The following TAX1BP1 variants were observed in gnomAD, a reference collection of about 807,000 sequenced individuals.
TAX1BP1 encodes the protein tax1-binding protein 1.
A neutral mutation model predicts 97.7 loss-of-function variants in TAX1BP1; 62 were observed. The ratio of observed to expected loss-of-function variants is 0.63; its 90% confidence interval spans 0.52 to 0.78. TAX1BP1 has a LOEUF of 0.78. Ranked by LOEUF, TAX1BP1 falls within the 30% of genes least tolerant of loss-of-function variation. The pLI is 0.00. For synonymous variants in TAX1BP1, 340 were observed against 304.2 expected (o/e 1.12, Z -1.23); for missense variants, 867 against 916.1 (o/e 0.95, Z 0.69).
intron 5 of TAX1BP1, among the ~76,000 whole-genome samples, chr7:27,774,805 G>A (rs992675784): frequency 6.6e-6 from 1 of 151,854 alleles, no homozygotes; most frequent in African/African-American, 2.4e-5. Context: ...TAAATATTGT[G>A]GGTATTCTGG....
chr7:27,802,391 T>C (rs886695353), intron 13 of TAX1BP1, among the ~76,000 whole-genome samples: 12 of 152,164 alleles, frequency 7.9e-5, no homozygotes, highest in African/African-American at 2.9e-4. Flanking sequence ...ATTGAATGGG[T>C]CATGTGTCTA....
intron 2 of TAX1BP1, among the ~76,000 whole-genome samples, chr7:27,753,206 A>T (rs536623775): frequency 6.6e-6 from 1 of 152,218 alleles, no homozygotes; most frequent in Admixed American, 6.5e-5. Context: ...AGGCTGAGAC[A>T]TGAGTATCGC....
chr7:27,791,893 G>GA (rs1256002087), intron 8 of TAX1BP1, 113 bp from the exon 9 acceptor site: 3 of 924,992 alleles, frequency 3.2e-6, no homozygotes, highest in Admixed American at 2.5e-5. Flanking sequence ...GTCATGAGTA[G>GA]AAAAACCAAT....
upstream of TAX1BP1, chr7:27,740,147 A>T (rs1583654692): frequency 1.3e-5 from 2 of 152,152 alleles, no homozygotes; most frequent in South Asian, 4.1e-4. Context: ...GTCGGCTGGG[A>T]GGGGAGGTGT....
intron 1 of TAX1BP1, among the ~76,000 whole-genome samples, chr7:27,746,684 G>A (rs906279985): frequency 6.6e-6 from 1 of 150,730 alleles, no homozygotes; most frequent in Non-Finnish European, 1.5e-5. Context: ...CCCTTTATTA[G>A]TGCAGAGGTA....
intron 2 of TAX1BP1, 131 bp downstream of exon 2, chr7:27,748,817 T>C: frequency 1.7e-6 from 1 of 595,110 alleles, no homozygotes; most frequent in Non-Finnish European, 2.5e-6. Flanking sequence ...CCATGAAATA[T>C]TTAACAGTGG....
chr7:27,770,409 A>G (rs1319956313), intron 5 of TAX1BP1, among the ~76,000 whole-genome samples: 1 of 152,108 alleles, frequency 6.6e-6, no homozygotes, highest in African/African-American at 2.4e-5. Flanking sequence ...AGCCAAAAAC[A>G]GTGAAAAAAC....
chr7:27,783,003 G>A (rs1789321236), intron 5 of TAX1BP1, among the ~76,000 whole-genome samples: 1 of 152,128 alleles, frequency 6.6e-6, no homozygotes, highest in Non-Finnish European at 1.5e-5. Context: ...ATAAGTGAGA[G>A]TTATGACTTG....
At chr7:27,795,805 C>T (rs771881635) in intron 11 of TAX1BP1, among the ~76,000 whole-genome samples, 1 of 152,184 alleles carries the variant, frequency 6.6e-6, no homozygotes, top group Non-Finnish European at 1.5e-5. Context: ...CCCGCCTTGG[C>T]CTCCCAAAGT....
chr7:27,792,352 T>C, intron 9 of TAX1BP1, 122 bp downstream of exon 9: 1 of 942,254 alleles, frequency 1.1e-6, no homozygotes, highest in Non-Finnish European at 1.6e-6. Context: ...TTTAAAATTT[T>C]CATTCCTTTT....
intron 15 of TAX1BP1, among the ~76,000 whole-genome samples, chr7:27,823,044 AAACT>A (rs1356882729): frequency 6.6e-6 from 1 of 152,200 alleles, no homozygotes; most frequent in Non-Finnish European, 1.5e-5. Flanking sequence ...AAACTTTTGA[AAACT>A]AATAGAGATT....
At chr7:27,798,241 C>T (rs1790007736) in intron 12 of TAX1BP1, among the ~76,000 whole-genome samples, 1 of 151,606 alleles carries the variant, frequency 6.6e-6, no homozygotes, top group South Asian at 2.1e-4. Context: ...TGTTTTTCGG[C>T]TGGTACAAAT....
At position 27,793,154 on chromosome 7, in the gene TAX1BP1, A is replaced by G; in HGVS notation, c.1352A>G (p.Glu451Gly). 1 of 1,596,738 alleles carries G rather than the reference A, an allele frequency of 6.3e-7. No individual in the cohort carries two copies. Among genetic ancestry groups the G allele is most frequent in the Non-Finnish European group, 8.5e-7 (1 of 1,176,284 alleles). Reference protein sequence around the residue: ...RLQMAADHYKEKFKECQRLQK... With the variant: ...RLQMAADHYKGKFKECQRLQK... Reference sequence around the variant, plus strand: ...CAGATGGCTGCAGACCATTATAAAGAAAAATTTAAGGAATGCCAAAGGCTC... The same window carrying G: ...CAGATGGCTGCAGACCATTATAAAGGAAAATTTAAGGAATGCCAAAGGCTC... The change falls in exon 10 of 17, where the codon GAA (glutamate) becomes GGA (glycine). Residue 451 changes from glutamate to glycine, a missense_variant. Physicochemically the swap from Glu to Gly is moderately conservative, Grantham distance 98 (BLOSUM62 -2). Around this residue, in one of 3 missense-constraint regions of TAX1BP1, gnomAD observed 822 missense variants for 851.4 expected, o/e 0.97. Coordinates refer to ENST00000396319, the MANE Select transcript of TAX1BP1 (RefSeq NM_006024.7).
At chr7:27,791,101 C>T (rs1434566032) in intron 8 of TAX1BP1, among the ~76,000 whole-genome samples, 2 of 151,866 alleles carry the variant, frequency 1.3e-5, no homozygotes. Context: ...TCTTTTTCTT[C>T]TCCTTTGACA....
chr7:27,806,366 G>A (rs888746012), intron 13 of TAX1BP1, among the ~76,000 whole-genome samples: 1 of 151,416 alleles, frequency 6.6e-6, no homozygotes, highest in African/African-American at 2.4e-5. Flanking sequence ...GATTACAGGT[G>A]TGAGCCACCA....
At chr7:27,747,883 G>C (rs1456687967) in intron 1 of TAX1BP1, among the ~76,000 whole-genome samples, 1 of 151,576 alleles carries the variant, frequency 6.6e-6, no homozygotes, top group Non-Finnish European at 1.5e-5. Flanking sequence ...TTTTTTAAAG[G>C]CCCCTAATGA....
At chr7:27,759,817 T>G (rs2128309806) in intron 3 of TAX1BP1, among the ~76,000 whole-genome samples, 1 of 152,302 alleles carries the variant, frequency 6.6e-6, no homozygotes, top group South Asian at 2.1e-4. Flanking sequence ...TCTCACACAT[T>G]TTCACATATT....
At chr7:27,826,464 C>T (rs894072483) in intron 15 of TAX1BP1, among the ~76,000 whole-genome samples, 3 of 152,162 alleles carry the variant, frequency 2.0e-5, no homozygotes, top group African/African-American at 7.2e-5. Flanking sequence ...CCATGACAGA[C>T]TTAACTGACC....
chr7:27,777,632 G>A (rs1349361197), intron 5 of TAX1BP1, among the ~76,000 whole-genome samples: 3 of 152,100 alleles, frequency 2.0e-5, no homozygotes, highest in East Asian at 1.9e-4. Context: ...CAGATCTCTC[G>A]AGTTCTTTTT....
Sources: gnomAD v4.1 joint callset for allele counts (sites outside exome capture counted in the v4.1 genomes callset) on GRCh38, gnomAD v4.1.1 for gene constraint, gnomAD v4.1.1 regional missense constraint, MANE v1.5 for transcripts, NCBI Gene and HGNC (gene_info 2026-07-23, HGNC 2026-07-21) for gene names.